Variants in LRP1B observed in about 807,000 individuals in gnomAD.
The protein encoded by LRP1B is low-density lipoprotein receptor-related protein 1B.
LRP1B carries 217 observed loss-of-function variants against 556.6 expected under a neutral mutation model. The observed-to-expected ratio is 0.39, with a 90% CI of 0.35 to 0.44. LRP1B has a LOEUF of 0.44. Among genes scored for constraint, LRP1B ranks in the 20% least tolerant of loss-of-function variants. LRP1B has a pLI of 1.00. For missense variants in LRP1B, 5,053 were observed against 5,620.8 expected (o/e 0.90, Z 3.23); for synonymous variants, 2,047 against 1,865.8 (o/e 1.10, Z -2.50).
intron 10 of LRP1B, among the ~76,000 whole-genome samples, chr2:141,051,934 C>A (rs1216618405): frequency 1.3e-5 from 2 of 149,984 alleles, no homozygotes; most frequent in Admixed American, 6.7e-5. Context: ...TTACTTATAT[C>A]AAAATAGATA....
At chr2:140,357,217 T>C (rs1200555046) in intron 74 of LRP1B, among the ~76,000 whole-genome samples, 1 of 151,760 alleles carries the variant, frequency 6.6e-6, no homozygotes, top group Non-Finnish European at 1.5e-5. Context: ...TTTTGAGAAA[T>C]GTGAGAACTT....
At chr2:140,635,738 A>T (rs567999443) in intron 41 of LRP1B, among the ~76,000 whole-genome samples, 2 of 152,196 alleles carry the variant, frequency 1.3e-5, no homozygotes, top group South Asian at 2.1e-4. Flanking sequence ...GCCATGGCCA[A>T]ATATATGGTG....
intron 25 of LRP1B, among the ~76,000 whole-genome samples, chr2:140,875,933 T>C (rs932213580): frequency 2.0e-5 from 3 of 152,194 alleles, no homozygotes; most frequent in African/African-American, 7.2e-5. Context: ...TCCTTGTCAA[T>C]GGTGTCTTTG....
intron 6 of LRP1B, among the ~76,000 whole-genome samples, chr2:141,192,903 C>A (rs1023149704): frequency 6.6e-6 from 1 of 151,222 alleles, no homozygotes; most frequent in African/African-American, 2.4e-5. Context: ...AAATTTGCAC[C>A]GAGTAATAAT....
At chr2:141,600,666 C>A (rs982932459) in intron 2 of LRP1B, among the ~76,000 whole-genome samples, 2 of 152,182 alleles carry the variant, frequency 1.3e-5, no homozygotes, top group Non-Finnish European at 2.9e-5. Context: ...CACCTAATAG[C>A]AGGGTCTCTG....
intron 2 of LRP1B, among the ~76,000 whole-genome samples, chr2:141,683,532 T>C (rs1046316045): frequency 3.9e-5 from 6 of 152,130 alleles, no homozygotes; most frequent in Admixed American, 2.0e-4. Flanking sequence ...CCTATGGTTA[T>C]AAGCGGTAAC....
intron 7 of LRP1B, among the ~76,000 whole-genome samples, chr2:141,187,419 G>T (rs1443218855): frequency 6.6e-6 from 1 of 151,868 alleles, no homozygotes; most frequent in Non-Finnish European, 1.5e-5. Context: ...GAGGCTTATG[G>T]CAGTTTAGGA....
intron 43 of LRP1B, among the ~76,000 whole-genome samples, chr2:140,581,411 T>G (rs539579196): frequency 4.4e-4 from 67 of 152,252 alleles, no homozygotes; most frequent in Non-Finnish European, 4.6e-4. Flanking sequence ...ACATTTTGCT[T>G]GCACACACTA....
At chr2:141,519,954 G>A (rs548128800) in intron 2 of LRP1B, among the ~76,000 whole-genome samples, 2 of 152,230 alleles carry the variant, frequency 1.3e-5, no homozygotes, top group East Asian at 1.9e-4. Flanking sequence ...GACAATAGGG[G>A]AAGAATAAGT....
chr2:140,410,807 G>A (rs1239263856), intron 66 of LRP1B, among the ~76,000 whole-genome samples: 1 of 152,048 alleles, frequency 6.6e-6, no homozygotes, highest in Non-Finnish European at 1.5e-5. Context: ...GAAAAGAATT[G>A]GTATTCTAAA....
At chr2:141,625,639 A>G (rs1369328726) in intron 2 of LRP1B, among the ~76,000 whole-genome samples, 1 of 152,186 alleles carries the variant, frequency 6.6e-6, no homozygotes, top group Non-Finnish European at 1.5e-5. Flanking sequence ...TATATGCTAC[A>G]TAAGTGAATG....
At chr2:141,288,369 T>C (rs940822057) in intron 3 of LRP1B, among the ~76,000 whole-genome samples, 9 of 152,208 alleles carry the variant, frequency 5.9e-5, no homozygotes, top group African/African-American at 1.9e-4. Flanking sequence ...CAGCCTTAAA[T>C]AGAGCCATTT....
At chr2:140,564,413 AATATATC>A (rs1681050441) in intron 43 of LRP1B, among the ~76,000 whole-genome samples, 1 of 152,282 alleles carries the variant, frequency 6.6e-6, no homozygotes, top group East Asian at 1.9e-4. Flanking sequence ...ACTTTAATCA[AATATATC>A]ATATAAGTGT....
intron 35 of LRP1B, among the ~76,000 whole-genome samples, chr2:140,735,938 G>A (rs78630550): frequency 0.05 from 7,536 of 152,148 alleles, 253 homozygotes; most frequent in Non-Finnish European, 0.07. Context: ...TGATCAAAGT[G>A]GGCTAGAATA....
At chr2:141,918,443 C>T (rs1314560103) in intron 1 of LRP1B, among the ~76,000 whole-genome samples, 1 of 151,892 alleles carries the variant, frequency 6.6e-6, no homozygotes, top group Admixed American at 6.6e-5. Context: ...TATTTGGTAT[C>T]GAGTGATTTT....
chr2:140,592,179 GATATA>G (rs1304375432), intron 43 of LRP1B, among the ~76,000 whole-genome samples: 3 of 152,086 alleles, frequency 2.0e-5, no homozygotes, highest in East Asian at 3.9e-4. Context: ...TATAAAGGCA[GATATA>G]ATATAAAATT....
chr2:142,120,400 C>G (rs771773482), intron 1 of LRP1B, among the ~76,000 whole-genome samples: 1 of 152,180 alleles, frequency 6.6e-6, no homozygotes, highest in Non-Finnish European at 1.5e-5. Context: ...GCGTGAGCCA[C>G]CATGCCCGGC....
chr2:140,826,250 G>C (rs1247998454), intron 31 of LRP1B, among the ~76,000 whole-genome samples: 1 of 152,076 alleles, frequency 6.6e-6, no homozygotes, highest in East Asian at 1.9e-4. Context: ...GTATAACATT[G>C]ACAAGGGAAA....
chr2:140,996,892 C>T (rs11683012), intron 15 of LRP1B, among the ~76,000 whole-genome samples: 48,894 of 151,802 alleles, frequency 0.32, 8,340 homozygotes, highest in East Asian at 0.57. Context: ...ATATATTATT[C>T]TGTTCCAGTG....
Sources: allele counts gnomAD v4.1 joint callset (sites outside exome capture counted in the v4.1 genomes callset), GRCh38; gene constraint gnomAD v4.1.1; transcripts MANE v1.5; gene names NCBI Gene and HGNC (gene_info 2026-07-23, HGNC 2026-07-21).